The following LOC128092252 variants were observed in gnomAD, a reference collection of about 807,000 sequenced individuals.
chr15:50,657,395 G>C, the LOC128092252 span, among the ~76,000 whole-genome samples: 2 of 152,128 alleles, frequency 1.3e-5, no homozygotes, highest in Non-Finnish European at 2.9e-5. Flanking sequence ...GAAATCAAAA[G>C]CATGTGCAAC....
At chr15:50,678,794 C>T in the LOC128092252 span, among the ~76,000 whole-genome samples, 2 of 152,014 alleles carry the variant, frequency 1.3e-5, no homozygotes, top group Non-Finnish European at 2.9e-5. Flanking sequence ...CTTTGGGAGG[C>T]CAAGGCAAGA....
At chr15:50,650,150 G>A in the LOC128092252 span, among the ~76,000 whole-genome samples, 20 of 132,698 alleles carry the variant, frequency 1.5e-4, no homozygotes, top group African/African-American at 5.6e-4. Context: ...CAGAGATTGG[G>A]CCACTGCACT....
chr15:50,650,464 G>A, the LOC128092252 span, among the ~76,000 whole-genome samples: 11 of 151,914 alleles, frequency 7.2e-5, no homozygotes, highest in Admixed American at 5.9e-4. Flanking sequence ...GGAAGCCAAG[G>A]TGGATGGATC....
the LOC128092252 span, among the ~76,000 whole-genome samples, chr15:50,660,807 T>C: frequency 6.6e-6 from 1 of 152,174 alleles, no homozygotes; most frequent in Non-Finnish European, 1.5e-5. Flanking sequence ...TGGCATTACA[T>C]AACCTAAGGG....
chr15:50,679,333 C>CAAA, the LOC128092252 span, among the ~76,000 whole-genome samples: 2 of 137,360 alleles, frequency 1.5e-5, no homozygotes, highest in Admixed American at 1.5e-4. Context: ...AAACACTATC[C>CAAA]AAAAAAAACA....
the LOC128092252 span, among the ~76,000 whole-genome samples, chr15:50,676,997 A>C: frequency 2.6e-5 from 4 of 152,204 alleles, no homozygotes; most frequent in African/African-American, 9.7e-5. Context: ...GACAGTTTGG[A>C]GTTTGAGTAC....
chr15:50,674,216 T>G, the LOC128092252 span, among the ~76,000 whole-genome samples: 1 of 152,214 alleles, frequency 6.6e-6, no homozygotes, highest in Non-Finnish European at 1.5e-5. Flanking sequence ...CTCAAACCCC[T>G]GACCTCAAGT....
the LOC128092252 span, among the ~76,000 whole-genome samples, chr15:50,662,517 G>A: frequency 6.6e-6 from 1 of 152,010 alleles, no homozygotes; most frequent in African/African-American, 2.4e-5. Flanking sequence ...ATAATGATCT[G>A]TATCTATATA....
the LOC128092252 span, among the ~76,000 whole-genome samples, chr15:50,663,671 T>A: frequency 6.6e-6 from 1 of 152,100 alleles, no homozygotes; most frequent in East Asian, 1.9e-4. Context: ...TATGAGCCAT[T>A]TAAAAGACAA....
At chr15:50,659,819 C>G in the LOC128092252 span, among the ~76,000 whole-genome samples, 1 of 152,156 alleles carries the variant, frequency 6.6e-6, no homozygotes, top group East Asian at 1.9e-4. Context: ...AAGTGCCCAC[C>G]ACCACGCCCA....
At chr15:50,669,205 G>A in the LOC128092252 span, among the ~76,000 whole-genome samples, 3 of 152,170 alleles carry the variant, frequency 2.0e-5, no homozygotes, top group South Asian at 2.1e-4. Context: ...ACATTGGGAG[G>A]CTGAGGTAGG....
At chr15:50,684,255 C>A in the LOC128092252 span, among the ~76,000 whole-genome samples, 1 of 151,820 alleles carries the variant, frequency 6.6e-6, no homozygotes, top group African/African-American at 2.4e-5. Flanking sequence ...CAGGTTCAAG[C>A]GATTCTCCTG....
chr15:50,670,633 C>T, the LOC128092252 span, among the ~76,000 whole-genome samples: 1 of 151,994 alleles, frequency 6.6e-6, no homozygotes, highest in African/African-American at 2.4e-5. Context: ...AACTGCCCAC[C>T]ACTTTCCCAG....
the LOC128092252 span, among the ~76,000 whole-genome samples, chr15:50,669,338 A>C: frequency 6.6e-6 from 1 of 152,072 alleles, no homozygotes; most frequent in Admixed American, 6.6e-5. Context: ...AGGAAGCTGA[A>C]GCAGCAGAAC....
chr15:50,650,773 G>A, the LOC128092252 span, among the ~76,000 whole-genome samples: 7 of 152,086 alleles, frequency 4.6e-5, no homozygotes, highest in African/African-American at 1.4e-4. Flanking sequence ...GACCTGAAAG[G>A]ATCAAACTGA....
chr15:50,672,721 T>C, the LOC128092252 span, among the ~76,000 whole-genome samples: 6 of 151,562 alleles, frequency 4.0e-5, no homozygotes, highest in African/African-American at 1.5e-4. Flanking sequence ...ACCAGCCTGA[T>C]CAATGTGGTG....
At chr15:50,662,358 T>C in the LOC128092252 span, among the ~76,000 whole-genome samples, 2 of 151,986 alleles carry the variant, frequency 1.3e-5, no homozygotes, top group Non-Finnish European at 2.9e-5. Context: ...AGAATAATTT[T>C]GGCAAAAATG....
chr15:50,671,131 T>C, the LOC128092252 span, among the ~76,000 whole-genome samples: 2 of 152,198 alleles, frequency 1.3e-5, no homozygotes, highest in African/African-American at 4.8e-5. Context: ...AGTCACCATG[T>C]TGTACAGAAG....
At chr15:50,684,990 C>A in the LOC128092252 span, among the ~76,000 whole-genome samples, 8 of 152,098 alleles carry the variant, frequency 5.3e-5, no homozygotes, top group Admixed American at 3.3e-4. Flanking sequence ...TTAAAAAGTC[C>A]TTGTCTTTTT....
Sources: allele counts gnomAD v4.1 joint callset (sites outside exome capture counted in the v4.1 genomes callset), GRCh38; gene constraint gnomAD v4.1.1; transcripts MANE v1.5.